HPSE2: variants seen among roughly 807,000 people sequenced by gnomAD.
HPSE2 encodes heparanase 2 (inactive), also known as inactive heparanase-2.
Under a neutral mutation model 60.5 loss-of-function variants are expected in HPSE2, and 38 were observed. The observed-to-expected ratio is 0.63, with a 90% CI of 0.48 to 0.82. The LOEUF is 0.82. HPSE2 is among the 40% of genes least tolerant of loss of function. The probability of loss-of-function intolerance (pLI) is 0.00; values close to 1 mark genes in which losing one functional copy is unlikely to be tolerated. For missense variants in HPSE2, 713 were observed against 740.4 expected (o/e 0.96, Z 0.43); for synonymous variants, 295 against 293.2 (o/e 1.01, Z -0.06).
chr10:99,111,304 G>A (rs1242008237), intron 3 of HPSE2, among the ~76,000 whole-genome samples: 4 of 151,960 alleles, frequency 2.6e-5, no homozygotes, highest in Admixed American at 2.6e-4. Flanking sequence ...TAGTTCTTTT[G>A]TCTTTCCATA....
rs569864231 is a variant in HPSE2, at chr10:98,910,991, T to C, written c.611-166935A>G. On this transcript the variant is annotated intron_variant, in intron 3 of 11. Coordinates refer to ENST00000370552, the MANE Select transcript of HPSE2 (RefSeq NM_021828.5). ...TGTTGAGACTTTCTGATGAAGAACA[T>C]AAAAAATCAGAATAGAAAAACAGAA... Among the ~76,000 whole-genome samples, 7 of 151,670 alleles carry C rather than the reference T, an allele frequency of 4.6e-5. No homozygotes were observed. The South Asian group carries it at 1.3e-3, about 27-fold the overall frequency.
rs144364796 is a variant in HPSE2 at position 99,016,383 on chromosome 10, C to G, written c.610+127855G>C. On this transcript the variant is annotated intron_variant, in intron 3 of 11. Transcript: ENST00000370552. ...TTTCCAAGTTCTGTATTTGGTTCTA[C>G]TGGTCTATGTGTCTGTTTTTGTACC... Among the ~76,000 whole-genome samples, 1,236 of 152,142 alleles carry G rather than the reference C, an allele frequency of 8.1e-3. 16 individuals are homozygous for G. The highest frequency in any genetic ancestry group is 0.028 in the African/African-American group (1,148 of 41,496).
intron 9 of HPSE2, among the ~76,000 whole-genome samples, chr10:98,557,316 C>T (rs953768300): frequency 6.6e-6 from 1 of 152,158 alleles, no homozygotes; most frequent in African/African-American, 2.4e-5. Flanking sequence ...CAGAAACAGA[C>T]CTTTACCTAT....
intron 5 of HPSE2, among the ~76,000 whole-genome samples, chr10:98,719,148 G>T (rs1041234307): frequency 1.3e-5 from 2 of 151,960 alleles, no homozygotes; most frequent in Non-Finnish European, 2.9e-5. Flanking sequence ...TTACAATTAT[G>T]CATACTGTTT....
At chr10:98,826,488 T>C (rs1951551019) in intron 3 of HPSE2, among the ~76,000 whole-genome samples, 1 of 152,240 alleles carries the variant, frequency 6.6e-6, no homozygotes, top group African/African-American at 2.4e-5. Flanking sequence ...TTGGGGTATA[T>C]ATCTCCTGTC....
chr10:98,614,371 C>A (rs1440660536), intron 9 of HPSE2, among the ~76,000 whole-genome samples: 1 of 151,308 alleles, frequency 6.6e-6, no homozygotes, highest in Non-Finnish European at 1.5e-5. Context: ...CGGCTCACTG[C>A]AAGCTCTGCC....
intron 9 of HPSE2, among the ~76,000 whole-genome samples, chr10:98,583,619 T>A (rs1293895150): frequency 6.6e-6 from 1 of 152,220 alleles, no homozygotes; most frequent in East Asian, 1.9e-4. Context: ...AACCCCAGGC[T>A]TTCCCTTTGT....
chr10:99,043,612 C>A (rs551713836), intron 3 of HPSE2, among the ~76,000 whole-genome samples: 2 of 152,152 alleles, frequency 1.3e-5, no homozygotes, highest in Non-Finnish European at 2.9e-5. Context: ...AAACCCAATC[C>A]AAGGAATGCA....
intron 9 of HPSE2, among the ~76,000 whole-genome samples, chr10:98,490,915 C>G (rs563602896): frequency 6.6e-6 from 1 of 152,286 alleles, no homozygotes; most frequent in Admixed American, 6.5e-5. Flanking sequence ...TACAAAAACC[C>G]ACCTTAATTT....
chr10:99,264,904 T>A, the HPSE2 span, among the ~76,000 whole-genome samples: 6 of 151,930 alleles, frequency 3.9e-5, no homozygotes, highest in African/African-American at 9.7e-5. Context: ...CTGAGAAACA[T>A]CGCCCGTTAT....
At chr10:98,682,599 G>C (rs748895628) in intron 6 of HPSE2, among the ~76,000 whole-genome samples, 4 of 152,142 alleles carry the variant, frequency 2.6e-5, no homozygotes, top group Non-Finnish European at 4.4e-5. Flanking sequence ...ACCATAGTGA[G>C]AGGATATCAT....
At chr10:98,995,447 A>C (rs555147327) in intron 3 of HPSE2, among the ~76,000 whole-genome samples, 6 of 152,212 alleles carry the variant, frequency 3.9e-5, no homozygotes, top group African/African-American at 1.4e-4. Flanking sequence ...TTCCTGATGT[A>C]TCCCCCTTCA....
chr10:98,964,447 C>T (rs770593696), intron 3 of HPSE2, among the ~76,000 whole-genome samples: 2 of 152,116 alleles, frequency 1.3e-5, no homozygotes, highest in Non-Finnish European at 2.9e-5. Flanking sequence ...ATATTATCTG[C>T]CAGTATCAAG....
chr10:99,108,553 G>C (rs919929690), intron 3 of HPSE2, among the ~76,000 whole-genome samples: 4 of 152,100 alleles, frequency 2.6e-5, no homozygotes, highest in African/African-American at 9.7e-5. Flanking sequence ...GCATGTGATA[G>C]AGGGATATTG....
chr10:98,714,075 TA>T lies in HPSE2; in HGVS notation c.956+7581del, dbSNP rs1948736336. 2.0e-5 allele frequency among the ~76,000 whole-genome samples: 3 copies of T among 152,058 alleles called. No homozygotes were observed. The South Asian group carries it at 6.2e-4, about 32-fold the overall frequency. On this transcript the variant is annotated intron_variant, in intron 5 of 11. Transcript: ENST00000370552. ...TTCTTGTTTTGGGATCTGGCTGTCC[TA>T]TAAGCCAGCTGTTGGATATCCTTAA...
chr10:98,502,420 G>A (rs903501037), intron 9 of HPSE2, among the ~76,000 whole-genome samples: 3 of 152,154 alleles, frequency 2.0e-5, no homozygotes, highest in South Asian at 2.1e-4. Flanking sequence ...ACTGATCTTC[G>A]ACAAAGCAAA....
At chr10:99,011,250 A>G (rs758516055) in intron 3 of HPSE2, among the ~76,000 whole-genome samples, 3 of 152,122 alleles carry the variant, frequency 2.0e-5, no homozygotes, top group Admixed American at 1.3e-4. Context: ...AAAACATCCA[A>G]TGTTAAATAC....
At chr10:98,887,106 T>C (rs990212745) in intron 3 of HPSE2, among the ~76,000 whole-genome samples, 26 of 152,164 alleles carry the variant, frequency 1.7e-4, no homozygotes, top group Non-Finnish European at 2.8e-4. Context: ...TGAGTTTTCC[T>C]ATATCACAAA....
At chr10:98,718,213 T>A (rs1322496714) in intron 5 of HPSE2, among the ~76,000 whole-genome samples, 1 of 152,158 alleles carries the variant, frequency 6.6e-6, no homozygotes, top group Non-Finnish European at 1.5e-5. Context: ...AAACTGATGA[T>A]TAAGAATAGC....
Sources: gnomAD v4.1 joint callset for allele counts (sites outside exome capture counted in the v4.1 genomes callset) on GRCh38, gnomAD v4.1.1 for gene constraint, MANE v1.5 for transcripts, NCBI Gene and HGNC (gene_info 2026-07-23, HGNC 2026-07-21) for gene names.